Variants in CRIM1 observed in about 807,000 individuals in gnomAD.
CRIM1 encodes cysteine rich transmembrane BMP regulator 1.
Under a neutral mutation model 116.4 loss-of-function variants are expected in CRIM1, and 32 were observed. The observed-to-expected ratio is 0.27, with a 90% CI of 0.21 to 0.37. CRIM1 has a LOEUF of 0.37. Ranked by LOEUF, CRIM1 falls within the 10% of genes least tolerant of loss-of-function variation. The probability of loss-of-function intolerance (pLI) is 1.00; values close to 1 mark genes in which losing one functional copy is unlikely to be tolerated. For synonymous variants in CRIM1, 590 were observed against 509.2 expected (o/e 1.16, Z -2.13); for missense variants, 1,331 against 1,354.8 (o/e 0.98, Z 0.28).
intron 2 of CRIM1, among the ~76,000 whole-genome samples, chr2:36,425,113 T>A (rs1004159978): frequency 2.6e-5 from 4 of 152,202 alleles, no homozygotes; most frequent in Non-Finnish European, 4.4e-5. Context: ...GTTCCTCTTG[T>A]TCTTCCGAGC....
At chr2:36,499,412 G>A (rs1572875277) in intron 8 of CRIM1, 65 bp downstream of exon 8, 24 of 1,494,778 alleles carry the variant, frequency 1.6e-5, no homozygotes, top group Middle Eastern at 1.7e-4. Flanking sequence ...AGCATATTAT[G>A]TAATTGAATA....
chr2:36,432,037 C>T (rs535935291), intron 2 of CRIM1, among the ~76,000 whole-genome samples: 3 of 152,212 alleles, frequency 2.0e-5, no homozygotes, highest in South Asian at 4.2e-4. Context: ...ATGTTTATGC[C>T]TCTGTGACAT....
intron 4 of CRIM1, among the ~76,000 whole-genome samples, chr2:36,450,817 C>A (rs1245041874): frequency 1.3e-5 from 2 of 152,222 alleles, no homozygotes; most frequent in Non-Finnish European, 2.9e-5. Flanking sequence ...TGAAATTGTG[C>A]TCTCAAGAAA....
chr2:36,411,451 A>G (rs761959406), intron 2 of CRIM1, among the ~76,000 whole-genome samples: 10 of 152,182 alleles, frequency 6.6e-5, no homozygotes, highest in Admixed American at 6.5e-5. Flanking sequence ...GTTCATATGC[A>G]TAGGAAATAA....
At chr2:36,415,458 C>G (rs1673539487) in intron 2 of CRIM1, among the ~76,000 whole-genome samples, 1 of 152,232 alleles carries the variant, frequency 6.6e-6, no homozygotes, top group Non-Finnish European at 1.5e-5. Flanking sequence ...TCCTCTGTCT[C>G]TTCTGTAGGC....
chr2:36,518,966 G>A (rs72866884), intron 12 of CRIM1, among the ~76,000 whole-genome samples: 3,253 of 152,216 alleles, frequency 0.021, 99 homozygotes, highest in African/African-American at 0.072. Flanking sequence ...AGCAATAGCC[G>A]AAAAGCCAAA....
At chr2:36,366,147 C>T (rs1324590997) in intron 1 of CRIM1, among the ~76,000 whole-genome samples, 1 of 152,148 alleles carries the variant, frequency 6.6e-6, no homozygotes, top group Non-Finnish European at 1.5e-5. Context: ...TATTGTAGAA[C>T]AAGGAGAAAG....
At chr2:36,500,306 T>A (rs558320245) in intron 8 of CRIM1, among the ~76,000 whole-genome samples, 1 of 152,324 alleles carries the variant, frequency 6.6e-6, no homozygotes, top group South Asian at 2.1e-4. Flanking sequence ...CACTCCAGCC[T>A]GGATGACAGC....
Position 36,480,567 on chromosome 2 carries a change from A to G in CRIM1, c.1372+873A>G, listed in dbSNP as rs543374530. On this transcript the variant is annotated intron_variant, in intron 7 of 16. Transcript: ENST00000280527. Reference sequence around the variant, plus strand: ...AATGGACTTATCTTTCCAGAAAGTCAGTTAAGTAGACTAAGTCTTTTAAGT... The same window carrying G: ...AATGGACTTATCTTTCCAGAAAGTCGGTTAAGTAGACTAAGTCTTTTAAGT... Among the ~76,000 whole-genome samples, 10 of 152,350 alleles carry G rather than the reference A, an allele frequency of 6.6e-5. No individual in the cohort carries two copies. The South Asian group carries it at 2.1e-3, about 32-fold the overall frequency.
At position 36,539,255 on chromosome 2, in the gene CRIM1, G is replaced by A. The variant is rs531325050; in HGVS notation, c.2623+1709G>A. On this transcript the variant is annotated intron_variant, in intron 14 of 16. Transcript: ENST00000280527. Reference sequence around the variant, plus strand: ...AGACCCAGAATTGCAGTTCTCATGGGGAACAGGCAGAACCTCTGGGTATAG... The same window carrying A: ...AGACCCAGAATTGCAGTTCTCATGGAGAACAGGCAGAACCTCTGGGTATAG... Among the ~76,000 whole-genome samples, 6 of 152,316 alleles carry A rather than the reference G, an allele frequency of 3.9e-5. No individual in the cohort carries two copies. The East Asian group carries it at 9.6e-4, about 24-fold the overall frequency.
At chr2:36,471,588 G>C (rs944612245) in intron 5 of CRIM1, among the ~76,000 whole-genome samples, 2 of 152,088 alleles carry the variant, frequency 1.3e-5, no homozygotes, top group Non-Finnish European at 1.5e-5. Context: ...TTGTTTTTTA[G>C]ACATAATGCT....
chr2:36,379,136 T>G (rs1404022962), intron 1 of CRIM1: 1 of 152,220 alleles, frequency 6.6e-6, no homozygotes. Context: ...GTCTTTCCTT[T>G]TTTTAGGTCT....
At chr2:36,446,995 G>C (rs1385638605) in intron 4 of CRIM1, among the ~76,000 whole-genome samples, 1 of 152,100 alleles carries the variant, frequency 6.6e-6, no homozygotes, top group East Asian at 1.9e-4. Flanking sequence ...TTGCAGGGAA[G>C]AAAAAAACCA....
intron 14 of CRIM1, among the ~76,000 whole-genome samples, chr2:36,539,884 A>G (rs1417688910): frequency 6.6e-6 from 1 of 152,182 alleles, no homozygotes; most frequent in Non-Finnish European, 1.5e-5. Context: ...GTAGATCTAC[A>G]AATTTGAAAG....
At chr2:36,529,230 A>G in intron 13 of CRIM1, 1 of 471,072 alleles carries the variant, frequency 2.1e-6, no homozygotes, top group Non-Finnish European at 4.4e-6. Context: ...CCCACCTGAT[A>G]AGAACCCTCT....
intron 16 of CRIM1, among the ~76,000 whole-genome samples, chr2:36,547,699 T>G (rs1667450787): frequency 1.3e-5 from 2 of 152,068 alleles, no homozygotes; most frequent in African/African-American, 4.8e-5. Context: ...AAAGTAATAG[T>G]AGACAAGGTA....
chr2:36,441,451 A>G lies in CRIM1; in HGVS notation c.699A>G (p.Lys233=), dbSNP rs34360681. ...GAAACCTGAACATACTAGTGTCAAA[A>G]GCCTCAGGGAAGCCGGGAGAGTGCT... is the stretch of plus-strand genomic sequence containing the variant. The part of the protein sequence containing the change: ...QPGNLNILVS[K]ASGKPGECCD... Residue 233 remains lysine, a synonymous_variant, in exon 3 of 17, where the codon AAA becomes AAG. Transcript: ENST00000280527. 2.4e-3 allele frequency: 3,916 copies of G among 1,613,800 alleles called. 83 individuals are homozygous for G. The African/African-American group carries it at 0.047, about 19-fold the overall frequency.
At chr2:36,456,060 G>A (rs900129776) in intron 4 of CRIM1, among the ~76,000 whole-genome samples, 2 of 152,134 alleles carry the variant, frequency 1.3e-5, no homozygotes, top group African/African-American at 4.8e-5. Flanking sequence ...CGGCCTGAAG[G>A]AGTGTTAGCA....
chr2:36,446,554 T>C (rs952363177), intron 4 of CRIM1, among the ~76,000 whole-genome samples: 2 of 152,226 alleles, frequency 1.3e-5, no homozygotes, highest in Non-Finnish European at 2.9e-5. Context: ...TCACTTCTTT[T>C]GTGTCTTTTC....
Sources: gnomAD v4.1 joint callset for allele counts (sites outside exome capture counted in the v4.1 genomes callset) on GRCh38, gnomAD v4.1.1 for gene constraint, MANE v1.5 for transcripts, NCBI Gene and HGNC (gene_info 2026-07-23, HGNC 2026-07-21) for gene names.